The following HS6ST3 variants were observed in gnomAD, a reference collection of about 807,000 sequenced individuals.
HS6ST3 encodes the protein heparan sulfate 6-O-sulfotransferase 3.
HS6ST3 carries 12 observed loss-of-function variants against 36.7 expected under a neutral mutation model. The observed-to-expected ratio is 0.33, with a 90% CI of 0.21 to 0.53. The LOEUF (loss-of-function observed/expected upper bound fraction) is 0.53, where lower values mean the gene tolerates loss of function less well. Among genes scored for constraint, HS6ST3 ranks in the 20% least tolerant of loss-of-function variants. The probability of loss-of-function intolerance (pLI) is 0.95; values close to 1 mark genes in which losing one functional copy is unlikely to be tolerated. For synonymous variants in HS6ST3, 240 were observed against 257.5 expected (o/e 0.93, Z 0.65); for missense variants, 584 against 640.9 (o/e 0.91, Z 0.96).
chr13:96,548,956 T>C (rs1014140062), intron 1 of HS6ST3, among the ~76,000 whole-genome samples: 5 of 152,186 alleles, frequency 3.3e-5, no homozygotes, highest in Non-Finnish European at 7.3e-5. Flanking sequence ...CATGACCCAG[T>C]CAAATTGACA....
At position 96,309,136 on chromosome 13, in the gene HS6ST3, C is replaced by T. The variant is rs566494498; in HGVS notation, c.707+217567C>T. On this transcript the variant is annotated intron_variant, in intron 1 of 1. Transcript: ENST00000376705. ...TCTAATATTGTTATAGGTTGTGTAC[C>T]GGGATCCCATGGTACTTGCATCTAC... Among the ~76,000 whole-genome samples, 440 of 152,062 alleles carry T rather than the reference C, an allele frequency of 2.9e-3. 1 individual carries two copies. Among genetic ancestry groups the T allele is most frequent in the African/African-American group, 0.01 (417 of 41,514 alleles).
intron 1 of HS6ST3, among the ~76,000 whole-genome samples, chr13:96,800,737 C>T (rs917067987): frequency 6.6e-6 from 1 of 151,988 alleles, no homozygotes; most frequent in Admixed American, 6.6e-5. Flanking sequence ...TGCCAGATAT[C>T]TCACCACTAG....
At chr13:96,645,428 G>A (rs2056585290) in intron 1 of HS6ST3, among the ~76,000 whole-genome samples, 1 of 151,150 alleles carries the variant, frequency 6.6e-6, no homozygotes. Context: ...AAGAGTCATA[G>A]CACTGGACTT....
intron 1 of HS6ST3, among the ~76,000 whole-genome samples, chr13:96,537,408 A>G (rs1279892689): frequency 2.0e-5 from 3 of 152,162 alleles, no homozygotes; most frequent in Non-Finnish European, 4.4e-5. Context: ...ATCACCTCCT[A>G]TACCTGAGGA....
At chr13:96,347,716 C>A (rs2055162353) in intron 1 of HS6ST3, among the ~76,000 whole-genome samples, 1 of 152,112 alleles carries the variant, frequency 6.6e-6, no homozygotes, top group Non-Finnish European at 1.5e-5. Flanking sequence ...GGGAAAAATT[C>A]CACTCTATCC....
At chr13:96,698,991 A>C (rs1346056553) in intron 1 of HS6ST3, among the ~76,000 whole-genome samples, 1 of 152,170 alleles carries the variant, frequency 6.6e-6, no homozygotes, top group Non-Finnish European at 1.5e-5. Flanking sequence ...CAAAAACAAG[A>C]AATGGGGAAA....
chr13:96,790,270 TACACACACACACAC>T (rs56867063), intron 1 of HS6ST3, among the ~76,000 whole-genome samples: 1 of 144,342 alleles, frequency 6.9e-6, no homozygotes, highest in Non-Finnish European at 1.5e-5. Flanking sequence ...AACACACATG[TACACACACACACAC>T]ACACACACAC....
intron 1 of HS6ST3, among the ~76,000 whole-genome samples, chr13:96,401,864 G>A (rs75515093): frequency 0.023 from 3,427 of 152,218 alleles, 82 homozygotes; most frequent in East Asian, 0.062. Flanking sequence ...GTGAGTCACC[G>A]CACCCAGCAG....
chr13:96,333,193 G>T (rs2055081385), intron 1 of HS6ST3, among the ~76,000 whole-genome samples: 1 of 152,198 alleles, frequency 6.6e-6, no homozygotes, highest in South Asian at 2.1e-4. Context: ...GGAAATGCAG[G>T]CATGTTGCTG....
intron 1 of HS6ST3, among the ~76,000 whole-genome samples, chr13:96,747,972 C>A (rs1331847288): frequency 3.9e-5 from 6 of 152,000 alleles, no homozygotes; most frequent in Non-Finnish European, 7.4e-5. Flanking sequence ...AAATTAAGTT[C>A]TTTGGCTTTT....
At chr13:96,803,165 G>T (rs1174191400) in intron 1 of HS6ST3, among the ~76,000 whole-genome samples, 1 of 150,492 alleles carries the variant, frequency 6.6e-6, no homozygotes, top group Non-Finnish European at 1.5e-5. Flanking sequence ...CCCCAGTGGA[G>T]GCTGGACAAG....
chr13:96,791,417 A>T (rs1877786380), intron 1 of HS6ST3, among the ~76,000 whole-genome samples: 1 of 152,006 alleles, frequency 6.6e-6, no homozygotes, highest in African/African-American at 2.4e-5. Context: ...GCCACAGCAG[A>T]TATTATTTGT....
intron 1 of HS6ST3, among the ~76,000 whole-genome samples, chr13:96,502,531 A>G (rs368310985): frequency 6.6e-6 from 1 of 152,134 alleles, no homozygotes; most frequent in Non-Finnish European, 1.5e-5. Flanking sequence ...GACAAAGCAG[A>G]CACACAACCT....
chr13:96,435,335 A>T (rs1235362180), intron 1 of HS6ST3, among the ~76,000 whole-genome samples: 1 of 151,776 alleles, frequency 6.6e-6, no homozygotes, highest in Non-Finnish European at 1.5e-5. Flanking sequence ...GTACTCCTTT[A>T]TGGAGTCTGT....
rs1295205149 is a variant in HS6ST3, at chr13:96,090,624, C to CGCCGCA, written c.-228_-223dup. 6.6e-4 allele frequency among the ~76,000 whole-genome samples: 96 copies of CGCCGCA among 146,276 alleles called. 1 individual carries two copies. The highest frequency in any genetic ancestry group is 2.0e-3 in the African/African-American group (82 of 40,904). Reference sequence around the variant, plus strand: ...GCACCCGGGAGCGCAGGGCGCCCCACGCCGCAGCCGCAGCCGAGCGCGCCG... The same window carrying CGCCGCA: ...GCACCCGGGAGCGCAGGGCGCCCCACGCCGCAGCCGCAGCCGCAGCCGAGCGCGCCG... On this transcript the variant is annotated 5_prime_UTR_variant, in exon 1 of 2. Transcript: ENST00000376705.
intron 1 of HS6ST3, among the ~76,000 whole-genome samples, chr13:96,427,917 T>C (rs1355010044): frequency 6.6e-6 from 1 of 152,346 alleles, no homozygotes; most frequent in East Asian, 1.9e-4. Context: ...GATTATCTGA[T>C]GCCTACTCAT....
rs146754735 is a variant in HS6ST3, at chr13:96,336,731, C to T, written c.707+245162C>T. On this transcript the variant is annotated intron_variant, in intron 1 of 1. Coordinates refer to ENST00000376705, the MANE Select transcript of HS6ST3 (RefSeq NM_153456.4). ...GTCACCTAGTCTGTGATATTTATTA[C>T]GGTAGCCCTAGCAGACTAATATATT... Among the ~76,000 whole-genome samples the T allele has an allele frequency of 2.8e-3, 428 of 152,222 alleles. 4 individuals carry two copies. The highest frequency in any genetic ancestry group is 9.8e-3 in the African/African-American group (407 of 41,530).
rs2055388283 is a variant in HS6ST3 at position 96,390,089 on chromosome 13, T to C, written c.707+298520T>C. Among the ~76,000 whole-genome samples, 2 of 152,194 alleles carry C rather than the reference T, an allele frequency of 1.3e-5. 1 individual carries two copies. The highest frequency in any genetic ancestry group is 4.1e-4 in the South Asian group (2 of 4,836). ...AAATTAATTGTTTGCCATTTTACTT[T>C]CAGTGAGATTAGAAAATATCTTTAG... is the stretch of plus-strand genomic sequence containing the variant. On this transcript the variant is annotated intron_variant, in intron 1 of 1. Coordinates refer to ENST00000376705, the MANE Select transcript of HS6ST3 (RefSeq NM_153456.4).
chr13:96,495,466 G>A (rs558053766), intron 1 of HS6ST3, among the ~76,000 whole-genome samples: 42 of 152,272 alleles, frequency 2.8e-4, no homozygotes, highest in African/African-American at 7.9e-4. Flanking sequence ...CTGAGAGTTC[G>A]TGGTTTTCCA....
Sources: allele counts gnomAD v4.1 joint callset (sites outside exome capture counted in the v4.1 genomes callset), GRCh38; gene constraint gnomAD v4.1.1; transcripts MANE v1.5; gene names NCBI Gene and HGNC (gene_info 2026-07-23, HGNC 2026-07-21).